Variants in XRN1 observed in about 807,000 individuals in gnomAD.
The protein encoded by XRN1 is strand-exchange protein 1 homolog.
Under a neutral mutation model 222.3 loss-of-function variants are expected in XRN1, and 67 were observed. That is an observed-to-expected ratio of 0.30 (90% CI 0.25 to 0.37). The LOEUF is 0.37. Ranked by LOEUF, XRN1 falls within the 10% of genes least tolerant of loss-of-function variation. XRN1 has a pLI of 1.00. For missense variants in XRN1, 1,707 were observed against 2,000.2 expected (o/e 0.85, Z 2.80); for synonymous variants, 643 against 652.4 (o/e 0.99, Z 0.22).
At chr3:142,313,251 A>G (rs1180468106) in intron 39 of XRN1, 1 of 1,504,382 alleles carries the variant, frequency 6.6e-7, no homozygotes, top group Non-Finnish European at 9.1e-7. Flanking sequence ...TCTTTTCTCT[A>G]TTTTAATATT....
chr3:142,348,788 AG>A (rs2066223222), intron 32 of XRN1, among the ~76,000 whole-genome samples: 1 of 152,128 alleles, frequency 6.6e-6, no homozygotes, highest in African/African-American at 2.4e-5. Context: ...AAGACTCTTC[AG>A]TTTTTTAAAA....
intron 1 of XRN1, among the ~76,000 whole-genome samples, chr3:142,438,112 C>T (rs957373973): frequency 6.6e-6 from 1 of 152,166 alleles, no homozygotes; most frequent in Non-Finnish European, 1.5e-5. Flanking sequence ...TAAATTAGTA[C>T]AACCACTATG....
intron 39 of XRN1, among the ~76,000 whole-genome samples, chr3:142,313,497 A>C (rs1219314186): frequency 6.6e-6 from 1 of 152,196 alleles, no homozygotes; most frequent in African/African-American, 2.4e-5. Context: ...AAACTACATT[A>C]AACAGTGACA....
intron 39 of XRN1, among the ~76,000 whole-genome samples, chr3:142,314,904 CAAAAAAAAAA>C (rs776430519): frequency 9.0e-5 from 2 of 22,304 alleles, no homozygotes; most frequent in Admixed American, 8.9e-4. Context: ...GACTCTGTCT[CAAAAAAAAAA>C]AAAAAAAAAA....
intron 22 of XRN1, among the ~76,000 whole-genome samples, chr3:142,380,728 G>C (rs975764881): frequency 2.6e-5 from 4 of 151,654 alleles, no homozygotes; most frequent in Non-Finnish European, 5.9e-5. Flanking sequence ...ATCATGGCTT[G>C]CCGACTTGCT....
intron 18 of XRN1, among the ~76,000 whole-genome samples, chr3:142,402,963 T>TGCTAC (rs1416733592): frequency 1.3e-4 from 20 of 152,226 alleles, no homozygotes; most frequent in African/African-American, 3.4e-4. Flanking sequence ...TATCACCTGA[T>TGCTAC]GCTACACTCG....
intron 33 of XRN1, among the ~76,000 whole-genome samples, chr3:142,342,432 G>A (rs1266514017): frequency 6.6e-6 from 1 of 152,014 alleles, no homozygotes; most frequent in Non-Finnish European, 1.5e-5. Flanking sequence ...TACATAAATA[G>A]AAAAAACAAT....
At chr3:142,441,583 A>G (rs1043414849) in intron 1 of XRN1, among the ~76,000 whole-genome samples, 3 of 152,238 alleles carry the variant, frequency 2.0e-5, no homozygotes, top group African/African-American at 7.2e-5. Flanking sequence ...TTGCAGTCTT[A>G]GTATCTGAAG....
intron 33 of XRN1, among the ~76,000 whole-genome samples, chr3:142,339,389 T>G (rs111414326): frequency 2.0e-5 from 3 of 152,136 alleles, no homozygotes; most frequent in African/African-American, 7.2e-5. Flanking sequence ...TGCTCCTTAA[T>G]GCAGATGTGG....
chr3:142,430,638 C>T (rs1236417402), intron 2 of XRN1, among the ~76,000 whole-genome samples: 1 of 152,122 alleles, frequency 6.6e-6, no homozygotes, highest in Admixed American at 6.6e-5. Flanking sequence ...TTCAAAGCAC[C>T]GTCCCACCTT....
In XRN1 at chr3:142,388,151, G is replaced by A. The variant is rs181804084; in HGVS notation, c.2340-3466C>T. Among the ~76,000 whole-genome samples, 49 of 152,214 alleles carry A rather than the reference G, an allele frequency of 3.2e-4. No homozygotes were observed. In the South Asian group the frequency reaches 4.2e-3, roughly 13 times the overall value. ...TTGAATGACATAGGTCCACTTACAT[G>A]CAGATTTTCCTCCTCCTCTAACACC... On this transcript the variant is annotated intron_variant, in intron 20 of 40. Transcript: ENST00000392981.
rs2065024806 is a variant in XRN1, at chr3:142,309,025, G to A, written c.*2486C>T. ...GTTTCCTCAACATGGGGCAGAAATGGCCTCTGCTTCTTACATCCTCCATAG... is the reference window on the plus strand; with the variant it reads ...GTTTCCTCAACATGGGGCAGAAATGACCTCTGCTTCTTACATCCTCCATAG... On this transcript the variant is annotated 3_prime_UTR_variant, in exon 41 of 41. Transcript: ENST00000392981. The A allele has an allele frequency of 6.6e-6, 1 of 152,070 alleles. No homozygotes were observed. The highest frequency in any genetic ancestry group is 1.5e-5 in the Non-Finnish European group (1 of 68,010). The allele number at this position is 152,070 out of a possible 1,614,324, so 9.4% of individuals were successfully genotyped here.
chr3:142,312,960 A>G lies in XRN1; in HGVS notation c.4622-202T>C, dbSNP rs113022378. Among the ~76,000 whole-genome samples, 1,267 of 152,326 alleles carry G rather than the reference A, an allele frequency of 8.3e-3. 19 individuals are homozygous for G. The highest frequency in any genetic ancestry group is 0.028 in the African/African-American group (1,158 of 41,556). On this transcript the variant is annotated intron_variant, in intron 39 of 40. Transcript: ENST00000392981. ...CTAGGACTGTGTGGACTATCTACACAAATGAATTTATCATTATACTGGCCT... is the reference window on the plus strand; with the variant it reads ...CTAGGACTGTGTGGACTATCTACACGAATGAATTTATCATTATACTGGCCT...
intron 34 of XRN1, among the ~76,000 whole-genome samples, chr3:142,333,436 G>T (rs553302859): frequency 6.6e-6 from 1 of 151,776 alleles, no homozygotes; most frequent in Non-Finnish European, 1.5e-5. Context: ...ATAAATTGTT[G>T]CAAAAAAATT....
intron 25 of XRN1, 124 bp from the exon 26 acceptor site, chr3:142,371,452 A>G: frequency 2.9e-6 from 2 of 681,892 alleles, no homozygotes. Context: ...TATAATATTA[A>G]TAAGGGATAT....
intron 15 of XRN1, among the ~76,000 whole-genome samples, chr3:142,405,322 C>T (rs2068300978): frequency 6.6e-6 from 1 of 152,096 alleles, no homozygotes; most frequent in African/African-American, 2.4e-5. Flanking sequence ...CCAACAGTTG[C>T]CACTAAAGTG....
At position 142,311,576 on chromosome 3, in the gene XRN1, A is replaced by C; in HGVS notation, c.5020T>G (p.Ser1674Ala). The change falls in exon 41 of 41, where the codon TCT (serine) becomes GCT (alanine). Residue 1674 changes from serine to alanine, a missense_variant. Coordinates refer to ENST00000392981, the MANE Select transcript of XRN1 (RefSeq NM_001282857.2). Reference sequence around the variant, plus strand: ...TTTCTTGATTTTCTTCTTGAAGAAGAGATTGGTGTTGACTTATGGTGAGAT... The same window carrying C: ...TTTCTTGATTTTCTTCTTGAAGAAGCGATTGGTGTTGACTTATGGTGAGAT... The part of the protein sequence containing the change: ...SISHHKSTPI[S>A]SSRRKSRKLA... The C allele has an allele frequency of 6.2e-7, 1 of 1,613,128 alleles. No individual in the cohort carries two copies. The highest frequency in any genetic ancestry group is 8.5e-7 in the Non-Finnish European group (1 of 1,179,382).
chr3:142,365,441 C>T lies in XRN1; in HGVS notation c.3205-75G>A, dbSNP rs117834508. On this transcript the variant is annotated intron_variant, in intron 27 of 40. Transcript: ENST00000392981. ...AATCACTACCTACTCACTACTTCCA[C>T]ATGTCTGAATTTTAAAAAGCCAAAT... is the stretch of plus-strand genomic sequence containing the variant. 836 of 1,127,824 alleles carry T rather than the reference C, an allele frequency of 7.4e-4. 13 individuals carry two copies. In the East Asian group the frequency reaches 0.023, roughly 31 times the overall value. The allele number at this position is 1,127,824 out of a possible 1,614,324, so 69.9% of individuals were successfully genotyped here.
chr3:142,344,587 A>G (rs2066086943), intron 33 of XRN1, among the ~76,000 whole-genome samples: 1 of 151,344 alleles, frequency 6.6e-6, no homozygotes, highest in East Asian at 1.9e-4. Context: ...TACAAAAATC[A>G]GTTTTATATC....
Sources: allele counts gnomAD v4.1 joint callset (sites outside exome capture counted in the v4.1 genomes callset), GRCh38; gene constraint gnomAD v4.1.1; transcripts MANE v1.5; gene names NCBI Gene and HGNC (gene_info 2026-07-23, HGNC 2026-07-21).